PRKN: variants seen among roughly 807,000 people sequenced by gnomAD.
PRKN encodes the protein parkin RBR E3 ubiquitin protein ligase.
Under a neutral mutation model 59.5 loss-of-function variants are expected in PRKN, and 56 were observed. The ratio of observed to expected loss-of-function variants is 0.94; its 90% CI spans 0.76 to 1.18. The LOEUF (loss-of-function observed/expected upper bound fraction) is 1.18. Ranked by LOEUF, PRKN falls within the 50% of genes most tolerant of loss-of-function variation. The pLI, the probability that PRKN is intolerant of heterozygous loss-of-function variation, is 0.00. For synonymous variants in PRKN, 250 were observed against 222.1 expected (o/e 1.13, Z -1.12); for missense variants, 657 against 596.4 (o/e 1.10, Z -1.06).
At chr6:161,897,811 T>C (rs992221367) in intron 6 of PRKN, among the ~76,000 whole-genome samples, 1 of 104,356 alleles carries the variant, frequency 9.6e-6, no homozygotes, top group Non-Finnish European at 1.7e-5. Flanking sequence ...CTACTGAAAA[T>C]ACAAAAAGTT....
chr6:162,108,846 G>A (rs1477876469), intron 4 of PRKN, among the ~76,000 whole-genome samples: 2 of 152,164 alleles, frequency 1.3e-5, no homozygotes, highest in Non-Finnish European at 2.9e-5. Flanking sequence ...AGTGACACAG[G>A]ACAGGTGAGA....
chr6:162,412,686 C>CT (rs1661138820), intron 2 of PRKN, among the ~76,000 whole-genome samples: 1 of 152,024 alleles, frequency 6.6e-6, no homozygotes. Flanking sequence ...TGACAGAGAG[C>CT]TCTTCTTCAA....
intron 7 of PRKN, among the ~76,000 whole-genome samples, chr6:161,683,341 TG>T (rs1385689890): frequency 6.6e-6 from 1 of 152,154 alleles, no homozygotes; most frequent in African/African-American, 2.4e-5. Context: ...AGTGTCAAAA[TG>T]GGGAAGAATC....
At chr6:161,651,204 T>C (rs1784137580) in intron 7 of PRKN, among the ~76,000 whole-genome samples, 1 of 152,256 alleles carries the variant, frequency 6.6e-6, no homozygotes, top group Non-Finnish European at 1.5e-5. Context: ...GTTTGGAATG[T>C]ACTAATTAGG....
rs1781465259 is a variant in PRKN at position 161,584,809 on chromosome 6, GA to G, written c.872-15394del. Among the ~76,000 whole-genome samples, 1 of 152,168 alleles carries G rather than the reference GA, an allele frequency of 6.6e-6. No homozygotes were observed. The highest frequency in any genetic ancestry group is 2.4e-5 in the African/African-American group (1 of 41,438). On this transcript the variant is annotated intron_variant, in intron 7 of 11. Coordinates refer to ENST00000366898, the MANE Select transcript of PRKN (RefSeq NM_004562.3). This position sits in a 1 kb window ranked among gnomAD's most constrained non-coding sequence, Gnocchi z 4.8. ...AAAATGTGCTCAGTAACAATTGCGGGATGAGTCTCTGTGCAGCGATTTTTCA... is the reference window on the plus strand; with the variant it reads ...AAAATGTGCTCAGTAACAATTGCGGGTGAGTCTCTGTGCAGCGATTTTTCA...
At chr6:161,963,673 T>C (rs1306498384) in intron 6 of PRKN, among the ~76,000 whole-genome samples, 2 of 152,266 alleles carry the variant, frequency 1.3e-5, no homozygotes, top group East Asian at 1.9e-4. Flanking sequence ...GTTAAATAAT[T>C]AACTCAATTA....
At chr6:161,810,899 C>T (rs1052509067) in intron 6 of PRKN, among the ~76,000 whole-genome samples, 2 of 152,028 alleles carry the variant, frequency 1.3e-5, no homozygotes, top group African/African-American at 4.8e-5. Flanking sequence ...AGGAAGGCTT[C>T]CCAGAGGAGG....
At chr6:161,992,809 G>A (rs1313451188) in intron 5 of PRKN, among the ~76,000 whole-genome samples, 1 of 151,962 alleles carries the variant, frequency 6.6e-6, no homozygotes, top group Non-Finnish European at 1.5e-5. Context: ...AGAAACTTTG[G>A]GAACTGTACA....
In PRKN at chr6:162,447,784, G is replaced by A. The variant is rs575260719; in HGVS notation, c.8-4311C>T. Reference sequence around the variant, plus strand: ...AAGCAGCCATTCCGCCTCCTGCACTGAGAAGAGCAATGTCATTCATCAGCA... The same window carrying A: ...AAGCAGCCATTCCGCCTCCTGCACTAAGAAGAGCAATGTCATTCATCAGCA... On this transcript the variant is annotated intron_variant, in intron 1 of 11. Transcript: ENST00000366898. Among the ~76,000 whole-genome samples the A allele has an allele frequency of 2.0e-5, 3 of 152,214 alleles. No individual in the cohort carries two copies. In the East Asian group the frequency reaches 5.8e-4, roughly 29 times the overall value.
intron 6 of PRKN, among the ~76,000 whole-genome samples, chr6:161,885,433 G>A (rs1263653297): frequency 6.6e-6 from 1 of 152,104 alleles, no homozygotes; most frequent in Non-Finnish European, 1.5e-5. Context: ...GGGAGGCCGA[G>A]GCGGGCAGAT....
chr6:162,272,949 T>C (rs141892314), intron 2 of PRKN, among the ~76,000 whole-genome samples: 1 of 135,960 alleles, frequency 7.4e-6, no homozygotes, highest in African/African-American at 2.8e-5. Context: ...GCAGTGAGCC[T>C]AGATCGGGCC....
chr6:162,021,670 T>TG (rs1230437591), intron 5 of PRKN, among the ~76,000 whole-genome samples: 1 of 152,100 alleles, frequency 6.6e-6, no homozygotes, highest in Admixed American at 6.5e-5. Context: ...TCCCTACTTC[T>TG]GGGATGGGTT....
At chr6:162,503,763 C>T (rs1482830173) in intron 1 of PRKN, among the ~76,000 whole-genome samples, 3 of 152,030 alleles carry the variant, frequency 2.0e-5, no homozygotes, top group African/African-American at 4.8e-5. Flanking sequence ...TCGGAGGATC[C>T]GAACAGCTTT....
rs35025497 is a variant in PRKN at position 162,216,536 on chromosome 6, CAAAAAAAA to C, written c.413-15292_413-15285del. Among the ~76,000 whole-genome samples, 4 of 34,974 alleles carry C rather than the reference CAAAAAAAA, an allele frequency of 1.1e-4. No individual in the cohort carries two copies. In the South Asian group the frequency reaches 4.2e-3, roughly 37 times the overall value. The allele number at this position is 34,974 out of a possible 152,430, so 22.9% of individuals were successfully genotyped here. The stretch of plus-strand genomic sequence containing the variant: ...TGGGCGACAGAGCGAGACTCCGTCT[CAAAAAAAA>C]AAAAAAAAAAAAAAAAAAAACCCAG... On this transcript the variant is annotated intron_variant, in intron 3 of 11. Transcript: ENST00000366898.
At chr6:161,621,362 T>C (rs927445191) in intron 7 of PRKN, among the ~76,000 whole-genome samples, 1 of 152,104 alleles carries the variant, frequency 6.6e-6, no homozygotes, top group Non-Finnish European at 1.5e-5. Flanking sequence ...CCAGAGAAGC[T>C]GATAGTGTAA....
At chr6:161,788,391 C>T (rs1019370497) in intron 6 of PRKN, among the ~76,000 whole-genome samples, 1 of 152,116 alleles carries the variant, frequency 6.6e-6, no homozygotes, top group Non-Finnish European at 1.5e-5. Flanking sequence ...TGCACACCTT[C>T]CAATATAAAT....
At chr6:161,951,046 C>T (rs942702224) in intron 6 of PRKN, among the ~76,000 whole-genome samples, 3 of 148,988 alleles carry the variant, frequency 2.0e-5, no homozygotes, top group Admixed American at 6.7e-5. Context: ...AGGAAAGGTA[C>T]GGGTGTTAAG....
rs1374332686 is a variant in PRKN, at chr6:161,379,933, C to T, written c.1167+6861G>A. On this transcript the variant is annotated intron_variant, in intron 10 of 11. Transcript: ENST00000366898. The surrounding 1 kb of genome is among the most constrained non-coding windows in gnomAD (Gnocchi z 4.9). ...TTTCATATTACAGCCAGAGATCTTT[C>T]GAAAGCACCCATCTGATGACGTCAA... Among the ~76,000 whole-genome samples the T allele has an allele frequency of 2.0e-5, 3 of 152,180 alleles. No homozygotes were observed. The highest frequency in any genetic ancestry group is 2.9e-5 in the Non-Finnish European group (2 of 68,036).
At chr6:161,695,176 G>A (rs1785967146) in intron 7 of PRKN, among the ~76,000 whole-genome samples, 1 of 152,088 alleles carries the variant, frequency 6.6e-6, no homozygotes, top group African/African-American at 2.4e-5. Context: ...CCTTGGTTAA[G>A]GGCAATAGAA....
Sources: gnomAD v4.1 joint callset for allele counts (sites outside exome capture counted in the v4.1 genomes callset) on GRCh38, gnomAD v4.1.1 for gene constraint, Gnocchi (gnomAD v3.1) non-coding constraint, MANE v1.5 for transcripts, NCBI Gene and HGNC (gene_info 2026-07-23, HGNC 2026-07-21) for gene names.